Variants in GABRB1 observed in about 807,000 individuals in gnomAD.
GABRB1 encodes gamma-aminobutyric acid receptor subunit beta-1.
GABRB1 carries 17 observed loss-of-function variants against 51.6 expected under a neutral mutation model. That is an observed-to-expected ratio of 0.33 (90% CI 0.23 to 0.49). The LOEUF (loss-of-function observed/expected upper bound fraction) is 0.49, where lower values mean the gene tolerates loss of function less well. Ranked by LOEUF, GABRB1 falls within the 20% of genes least tolerant of loss-of-function variation. The pLI is 0.99. For synonymous variants in GABRB1, 247 were observed against 218.9 expected, an observed-to-expected ratio of 1.13 and a Z score of -1.14; for missense variants, 410 against 600.6, an observed-to-expected ratio of 0.68 and a Z score of 3.32.
At chr4:47,365,114 A>G (rs894278105) in intron 5 of GABRB1, among the ~76,000 whole-genome samples, 1 of 152,228 alleles carries the variant, frequency 6.6e-6, no homozygotes. Context: ...ACCTATCCTC[A>G]GTTCCTGTAC....
chr4:47,417,056 C>T (rs928263477), intron 8 of GABRB1, among the ~76,000 whole-genome samples: 1 of 152,110 alleles, frequency 6.6e-6, no homozygotes, highest in African/African-American at 2.4e-5. Context: ...GAAACGAATC[C>T]AGGATAAATG....
intron 4 of GABRB1, among the ~76,000 whole-genome samples, chr4:47,226,013 G>A (rs16860083): frequency 0.21 from 32,228 of 151,984 alleles, 3,597 homozygotes; most frequent in African/African-American, 0.26. Context: ...CACTATCCAG[G>A]GATGTACAAC....
At chr4:47,377,996 C>T (rs1215995298) in intron 5 of GABRB1, among the ~76,000 whole-genome samples, 1 of 152,264 alleles carries the variant, frequency 6.6e-6, no homozygotes, top group Non-Finnish European at 1.5e-5. Flanking sequence ...GGATCTCGCA[C>T]TGGGGCTGCA....
At chr4:47,124,715 G>T (rs1396816338) in intron 3 of GABRB1, among the ~76,000 whole-genome samples, 2 of 151,914 alleles carry the variant, frequency 1.3e-5, no homozygotes, top group Non-Finnish European at 2.9e-5. Context: ...TATGATAAAT[G>T]AAATAAAATT....
In GABRB1 at chr4:47,255,445, A is replaced by G. The variant is rs2052560824; in HGVS notation, c.462-64682A>G. The stretch of plus-strand genomic sequence containing the variant: ...TCTTTTCAAATAAGTGAGTTATCTG[A>G]ACAAATAATGAGATTCAGGGAAACT... On this transcript the variant is annotated intron_variant, in intron 4 of 8. Coordinates refer to ENST00000295454, the MANE Select transcript of GABRB1 (RefSeq NM_000812.4). Among the ~76,000 whole-genome samples, 5 of 152,262 alleles carry G rather than the reference A, an allele frequency of 3.3e-5. No individual in the cohort carries two copies. In the South Asian group the frequency reaches 1.0e-3, roughly 31 times the overall value.
chr4:47,021,689 A>G (rs1724933193), intron 1 of GABRB1, among the ~76,000 whole-genome samples: 1 of 151,938 alleles, frequency 6.6e-6, no homozygotes, highest in African/African-American at 2.4e-5. Flanking sequence ...TCTTTTCTTT[A>G]TCAGAAAAAG....
At chr4:47,092,307 G>A (rs56213302) in intron 3 of GABRB1, among the ~76,000 whole-genome samples, 50,063 of 149,818 alleles carry the variant, frequency 0.33, 8,650 homozygotes, top group African/African-American at 0.4. Flanking sequence ...TAAATAGCTG[G>A]GATTACAGGC....
At chr4:47,351,548 A>C (rs1247136607) in intron 5 of GABRB1, among the ~76,000 whole-genome samples, 1 of 134,070 alleles carries the variant, frequency 7.5e-6, no homozygotes, top group East Asian at 2.7e-4. Flanking sequence ...TCCTAATGCT[A>C]TCCCTCCCCC....
chr4:47,134,301 T>C (rs932274705), intron 3 of GABRB1, among the ~76,000 whole-genome samples: 5 of 152,282 alleles, frequency 3.3e-5, no homozygotes, highest in Admixed American at 6.5e-5. Context: ...GTACAAATGC[T>C]AGATAATTGC....
intron 5 of GABRB1, among the ~76,000 whole-genome samples, chr4:47,329,315 C>T (rs900905643): frequency 1.3e-5 from 2 of 151,654 alleles, no homozygotes; most frequent in African/African-American, 4.8e-5. Flanking sequence ...ATTCATAGTT[C>T]TTCAGAGAAA....
chr4:47,425,940 A>G lies in GABRB1; in HGVS notation c.1347A>G (p.Ile449Met). The G allele has an allele frequency of 1.9e-6, 3 of 1,613,760 alleles. No homozygotes were observed. The highest frequency in any genetic ancestry group is 2.5e-6 in the Non-Finnish European group (3 of 1,179,696). ...CCGACTTGACTGATGTGAATTCCATAGACAAGTGGTCCCGAATGTTTTTCC... is the reference window on the plus strand; with the variant it reads ...CCGACTTGACTGATGTGAATTCCATGGACAAGTGGTCCCGAATGTTTTTCC... ...KIPDLTDVNS[I>M]DKWSRMFFPI... is the part of the protein sequence containing the mutation. The change falls in exon 9 of 9, where the codon ATA becomes ATG. Residue 449 changes from isoleucine to methionine, a missense_variant. Around this residue, in one of 5 missense-constraint regions of GABRB1, gnomAD observed 181 missense variants for 195.6 expected, o/e 0.93. Coordinates refer to ENST00000295454, the MANE Select transcript of GABRB1 (RefSeq NM_000812.4).
At chr4:47,176,879 A>G (rs1718726904) in intron 4 of GABRB1, among the ~76,000 whole-genome samples, 1 of 152,128 alleles carries the variant, frequency 6.6e-6, no homozygotes, top group Non-Finnish European at 1.5e-5. Context: ...CATCACAATG[A>G]TTTCTTAAGA....
intron 4 of GABRB1, among the ~76,000 whole-genome samples, chr4:47,213,421 G>GCT (rs143821454): frequency 2.1e-4 from 31 of 148,396 alleles, no homozygotes; most frequent in South Asian, 6.5e-4. Context: ...TTTCACATTC[G>GCT]CTCTCTCTCT....
intron 3 of GABRB1, among the ~76,000 whole-genome samples, chr4:47,037,157 A>G (rs1323131779): frequency 6.6e-6 from 1 of 152,204 alleles, no homozygotes; most frequent in Non-Finnish European, 1.5e-5. Context: ...CAGTAACTCC[A>G]CAGTACTATC....
At chr4:47,164,499 T>C (rs1194530897) in intron 4 of GABRB1, among the ~76,000 whole-genome samples, 1 of 152,074 alleles carries the variant, frequency 6.6e-6, no homozygotes, top group Non-Finnish European at 1.5e-5. Flanking sequence ...TCTTATTCCT[T>C]TCCATCAGTC....
At chr4:47,265,325 C>T (rs1404326758) in intron 4 of GABRB1, among the ~76,000 whole-genome samples, 1 of 151,898 alleles carries the variant, frequency 6.6e-6, no homozygotes, top group Non-Finnish European at 1.5e-5. Flanking sequence ...TATATATATA[C>T]ATACCACATT....
chr4:47,140,316 G>A (rs1329644564), intron 3 of GABRB1, among the ~76,000 whole-genome samples: 1 of 151,906 alleles, frequency 6.6e-6, no homozygotes, highest in African/African-American at 2.4e-5. Context: ...AACAGAGAAA[G>A]CCTAGTTCAT....
At chr4:47,013,341 T>A (rs1724639243) in intron 1 of GABRB1, among the ~76,000 whole-genome samples, 2 of 152,138 alleles carry the variant, frequency 1.3e-5, no homozygotes, top group African/African-American at 2.4e-5. Flanking sequence ...TGTATTTTTA[T>A]TAGAGGCAGG....
chr4:47,316,712 T>A (rs979911129), intron 4 of GABRB1, among the ~76,000 whole-genome samples: 2 of 151,952 alleles, frequency 1.3e-5, no homozygotes, highest in African/African-American at 4.8e-5. Flanking sequence ...AGTGGTATCA[T>A]TGACTATAAA....
Sources: gnomAD v4.1 joint callset for allele counts (sites outside exome capture counted in the v4.1 genomes callset) on GRCh38, gnomAD v4.1.1 for gene constraint, gnomAD v4.1.1 regional missense constraint, MANE v1.5 for transcripts, NCBI Gene and HGNC (gene_info 2026-07-23, HGNC 2026-07-21) for gene names.